The following ELF5 variants were observed in gnomAD, a reference collection of about 807,000 sequenced individuals.
ELF5 encodes the protein ETS-related transcription factor Elf-5.
ELF5 carries 31 observed loss-of-function variants against 38.2 expected under a neutral mutation model. The ratio of observed to expected loss-of-function variants is 0.81; its 90% CI spans 0.61 to 1.10. ELF5 has a LOEUF of 1.10. ELF5 is among the 50% of genes least tolerant of loss of function. The pLI is 0.00. For synonymous variants in ELF5, 121 were observed against 112.5 expected, an observed-to-expected ratio of 1.08 and a Z score of -0.48; for missense variants, 300 against 306.6, an observed-to-expected ratio of 0.98 and a Z score of 0.16.
intron 1 of ELF5, among the ~76,000 whole-genome samples, chr11:34,509,372 T>A (rs1850695648): frequency 6.6e-6 from 1 of 152,114 alleles, no homozygotes; most frequent in Non-Finnish European, 1.5e-5. Flanking sequence ...AGAACTCCTC[T>A]CCAGATGTAA....
At chr11:34,489,706 T>C (rs977872294) in intron 4 of ELF5, among the ~76,000 whole-genome samples, 3 of 152,220 alleles carry the variant, frequency 2.0e-5, no homozygotes, top group Admixed American at 2.0e-4. Context: ...TGGCGCATGC[T>C]GGGCTCTTTG....
At chr11:34,487,617 A>G (rs1324295075) in intron 4 of ELF5, among the ~76,000 whole-genome samples, 1 of 152,146 alleles carries the variant, frequency 6.6e-6, no homozygotes, top group Non-Finnish European at 1.5e-5. Flanking sequence ...TCTGCTGCCC[A>G]CAAAGTGGTG....
At chr11:34,486,595 T>C (rs886274397) in intron 4 of ELF5, among the ~76,000 whole-genome samples, 9 of 152,170 alleles carry the variant, frequency 5.9e-5, no homozygotes, top group Non-Finnish European at 1.2e-4. Flanking sequence ...CATGTGTGAG[T>C]GTGCATAGCA....
chr11:34,479,954 G>T lies in ELF5; in HGVS notation c.*264C>A. ...GGCTGTTGTCATTCCACAACTCTAG[G>T]AAAATAAAGTTTGATCAAGACACCA... On this transcript the variant is annotated 3_prime_UTR_variant, in exon 7 of 7. Coordinates refer to ENST00000257832, the MANE Select transcript of ELF5 (RefSeq NM_001422.4). 2.4e-6 allele frequency: 1 copy of T among 425,066 alleles called. No individual in the cohort carries two copies. Among genetic ancestry groups the T allele is most frequent in the South Asian group, 3.1e-5 (1 of 32,708 alleles). The allele number at this position is 425,066 out of a possible 1,614,324, so 26.3% of individuals were successfully genotyped here.
chr11:34,495,975 C>G (rs933740939), intron 2 of ELF5, among the ~76,000 whole-genome samples: 13 of 152,254 alleles, frequency 8.5e-5, no homozygotes, highest in African/African-American at 3.1e-4. Flanking sequence ...GGGCCCTGCC[C>G]TAGATGGCCA....
intron 2 of ELF5, among the ~76,000 whole-genome samples, chr11:34,501,009 A>T (rs1850452571): frequency 6.6e-6 from 1 of 152,216 alleles, no homozygotes; most frequent in African/African-American, 2.4e-5. Flanking sequence ...GTTGTCCCTA[A>T]CACAATGCTA....
chr11:34,496,501 C>CAGG (rs1208650316), intron 2 of ELF5, among the ~76,000 whole-genome samples: 6 of 152,230 alleles, frequency 3.9e-5, no homozygotes, highest in African/African-American at 1.4e-4. Context: ...TCTTCTCTTT[C>CAGG]AGGAGGCTCC....
intron 6 of ELF5, 87 bp from the exon 7 acceptor site, chr11:34,480,401 CAGGTGACA>C (rs1440843283): frequency 5.1e-5 from 54 of 1,061,426 alleles, no homozygotes; most frequent in Non-Finnish European, 7.7e-5. Context: ...TCATTCCTCT[CAGGTGACA>C]AGGCTGGTCT....
chr11:34,480,959 T>C lies in ELF5; in HGVS notation c.484A>G (p.Ser162Gly), dbSNP rs1434513018. Residue 162 changes from serine (S) to glycine (G), a missense_variant, in exon 6 of 7, where the codon AGT (serine) becomes GGT (glycine). Physicochemically the swap from Ser to Gly is moderately conservative, Grantham distance 56. Transcript: ENST00000257832. ...CHSHSRTSLQ[S>G]SHLWEFVRDL... ...CGTACAAATTCCCATAGATGAGAAC[T>C]TTGGAGGCCTTTTGAAAAGGGGAAA... 6.3e-7 allele frequency: 1 copy of C among 1,599,668 alleles called. No individual in the cohort carries two copies. The highest frequency in any genetic ancestry group is 1.8e-5 in the Admixed American group (1 of 56,354).
intron 1 of ELF5, chr11:34,511,872 T>G (rs1850768351): frequency 2.3e-6 from 1 of 430,410 alleles, no homozygotes; most frequent in Non-Finnish European, 4.2e-6. Context: ...TCTGGGCATG[T>G]GACCAAAAAT....
At chr11:34,495,852 T>C (rs978031036) in intron 2 of ELF5, among the ~76,000 whole-genome samples, 1 of 152,200 alleles carries the variant, frequency 6.6e-6, no homozygotes, top group African/African-American at 2.4e-5. Flanking sequence ...CATTCCTGAG[T>C]TCGGCCTGAG....
intron 6 of ELF5, among the ~76,000 whole-genome samples, chr11:34,480,541 G>A (rs184897455): frequency 7.9e-5 from 12 of 152,276 alleles, no homozygotes; most frequent in Admixed American, 2.0e-4. Context: ...GTGTGTGGGC[G>A]TGTGAGATGG....
At chr11:34,507,838 TA>T (rs1169688243) in intron 1 of ELF5, among the ~76,000 whole-genome samples, 1 of 152,250 alleles carries the variant, frequency 6.6e-6, no homozygotes, top group Non-Finnish European at 1.5e-5. Flanking sequence ...CTTGGGATAT[TA>T]AACACATGGA....
chr11:34,486,017 G>C (rs1343015842), intron 4 of ELF5, among the ~76,000 whole-genome samples: 1 of 152,158 alleles, frequency 6.6e-6, no homozygotes, highest in Non-Finnish European at 1.5e-5. Context: ...ATTTGGAGAG[G>C]CTTGGTTGGC....
intron 4 of ELF5, among the ~76,000 whole-genome samples, chr11:34,486,302 T>C (rs1590323476): frequency 6.6e-6 from 1 of 152,008 alleles, no homozygotes; most frequent in South Asian, 2.1e-4. Context: ...CTGGCATTTC[T>C]GCAGTGGAGG....
intron 1 of ELF5, among the ~76,000 whole-genome samples, chr11:34,512,377 G>A (rs1174981450): frequency 6.6e-6 from 1 of 152,198 alleles, no homozygotes; most frequent in African/African-American, 2.4e-5. Context: ...GGTATGCCAT[G>A]TAGTTTGCTG....
chr11:34,489,620 A>G (rs1438254756), intron 4 of ELF5, among the ~76,000 whole-genome samples: 2 of 152,224 alleles, frequency 1.3e-5, no homozygotes, highest in Admixed American at 1.3e-4. Context: ...CTTCTTAAGC[A>G]TTATGAACCA....
intron 1 of ELF5, among the ~76,000 whole-genome samples, chr11:34,509,634 A>T (rs1234508092): frequency 6.6e-6 from 1 of 150,922 alleles, no homozygotes; most frequent in Non-Finnish European, 1.5e-5. Flanking sequence ...GGGAGGGGGT[A>T]GGATGCTGAG....
chr11:34,504,086 G>T (rs1850544786), intron 2 of ELF5, among the ~76,000 whole-genome samples: 2 of 152,294 alleles, frequency 1.3e-5, no homozygotes, highest in South Asian at 2.1e-4. Context: ...AGAAAGAGGG[G>T]GCTCTCATGA....
Sources: gnomAD v4.1 joint callset for allele counts (sites outside exome capture counted in the v4.1 genomes callset) on GRCh38, gnomAD v4.1.1 for gene constraint, MANE v1.5 for transcripts, NCBI Gene and HGNC (gene_info 2026-07-23, HGNC 2026-07-21) for gene names.